The following CTNNA3 variants were observed in gnomAD, a reference collection of about 807,000 sequenced individuals.
The protein encoded by CTNNA3 is catenin alpha 3.
Under a neutral mutation model 95.7 loss-of-function variants are expected in CTNNA3, and 76 were observed. That is an observed-to-expected ratio of 0.79 (90% CI 0.66 to 0.96). CTNNA3 has a LOEUF of 0.96. CTNNA3 is among the 40% of genes least tolerant of loss of function. The probability of loss-of-function intolerance (pLI) is 0.00; values close to 1 mark genes in which losing one functional copy is unlikely to be tolerated. For synonymous variants in CTNNA3, 431 were observed against 374.4 expected, an observed-to-expected ratio of 1.15 and a Z score of -1.74; for missense variants, 1,191 against 1,089.8, an observed-to-expected ratio of 1.09 and a Z score of -1.31.
intron 7 of CTNNA3, among the ~76,000 whole-genome samples, chr10:67,055,675 CT>C (rs1181236094): frequency 1.3e-5 from 2 of 152,088 alleles, no homozygotes; most frequent in Non-Finnish European, 2.9e-5. Flanking sequence ...GGGCTTTGTT[CT>C]TTGTAAGAAT....
intron 5 of CTNNA3, among the ~76,000 whole-genome samples, chr10:67,431,864 T>C (rs367968086): frequency 6.6e-4 from 100 of 152,114 alleles, no homozygotes; most frequent in African/African-American, 2.3e-3. Flanking sequence ...TTTAATCCCA[T>C]AATTCAAAAT....
chr10:66,753,316 C>G (rs760189306), intron 9 of CTNNA3, among the ~76,000 whole-genome samples: 1 of 152,118 alleles, frequency 6.6e-6, no homozygotes, highest in Non-Finnish European at 1.5e-5. Context: ...CACATTCACA[C>G]AGCAACAATT....
At position 66,486,763 on chromosome 10, in the gene CTNNA3, G is replaced by A. The variant is rs533426362; in HGVS notation, c.1531+33854C>T. On this transcript the variant is annotated intron_variant, in intron 11 of 17. Transcript: ENST00000433211. Reference sequence around the variant, plus strand: ...TCCCATGCTCATTGCAGTGTTACTCGCAGAAGCCAAGATATGGATACAACC... The same window carrying A: ...TCCCATGCTCATTGCAGTGTTACTCACAGAAGCCAAGATATGGATACAACC... Among the ~76,000 whole-genome samples, 229 of 151,660 alleles carry A rather than the reference G, an allele frequency of 1.5e-3. 10 individuals carry two copies. The South Asian group carries it at 0.046, about 30-fold the overall frequency.
intron 5 of CTNNA3, among the ~76,000 whole-genome samples, chr10:67,402,853 G>A (rs1367340127): frequency 6.6e-6 from 1 of 152,168 alleles, no homozygotes; most frequent in Non-Finnish European, 1.5e-5. Flanking sequence ...CAGGATCCCT[G>A]GCAAAGGTGA....
chr10:66,537,911 C>T (rs1485415428), intron 10 of CTNNA3, among the ~76,000 whole-genome samples: 1 of 152,008 alleles, frequency 6.6e-6, no homozygotes, highest in Non-Finnish European at 1.5e-5. Flanking sequence ...TCTTTAAGAA[C>T]TTTTACTATA....
intron 10 of CTNNA3, among the ~76,000 whole-genome samples, chr10:66,572,439 T>G (rs1013927196): frequency 1.3e-5 from 2 of 151,448 alleles, no homozygotes; most frequent in Non-Finnish European, 2.9e-5. Flanking sequence ...CAAACAGGCA[T>G]ACATACCTAG....
intron 13 of CTNNA3, among the ~76,000 whole-genome samples, chr10:66,199,805 A>ATTTTTTTTTT (rs1226520776): frequency 7.0e-5 from 1 of 14,286 alleles, no homozygotes; most frequent in African/African-American, 3.9e-4. Flanking sequence ...ATATATATAT[A>ATTTTTTTTTT]TTTTTTTTTT....
intron 5 of CTNNA3, among the ~76,000 whole-genome samples, chr10:67,467,967 TCCC>T (rs1847664475): frequency 6.6e-6 from 1 of 151,546 alleles, no homozygotes; most frequent in Non-Finnish European, 1.5e-5. Context: ...ATCCTCAGAC[TCCC>T]AAAGTGCTAG....
At chr10:67,177,678 G>A (rs1862310752) in intron 7 of CTNNA3, among the ~76,000 whole-genome samples, 2 of 152,124 alleles carry the variant, frequency 1.3e-5, no homozygotes, top group African/African-American at 4.8e-5. Flanking sequence ...CCAGAAAAAT[G>A]CATTCCCTTT....
chr10:66,056,263 T>A (rs943440944), intron 15 of CTNNA3, among the ~76,000 whole-genome samples: 1 of 152,160 alleles, frequency 6.6e-6, no homozygotes, highest in African/African-American at 2.4e-5. Context: ...GTTATCAGAT[T>A]TTTTTTAAGA....
At chr10:67,527,376 C>T (rs959880236) in intron 4 of CTNNA3, among the ~76,000 whole-genome samples, 1 of 152,060 alleles carries the variant, frequency 6.6e-6, no homozygotes, top group African/African-American at 2.4e-5. Flanking sequence ...AAGACAAAAC[C>T]CACAGCAGCA....
chr10:66,633,835 C>T (rs532351183), intron 9 of CTNNA3, among the ~76,000 whole-genome samples: 39 of 151,948 alleles, frequency 2.6e-4, no homozygotes, highest in African/African-American at 8.7e-4. Flanking sequence ...GTTTCTATAT[C>T]GACTGAAGTT....
At chr10:66,835,235 G>A (rs931747200) in intron 7 of CTNNA3, among the ~76,000 whole-genome samples, 4 of 152,102 alleles carry the variant, frequency 2.6e-5, no homozygotes, top group African/African-American at 7.2e-5. Context: ...AATGTAATAA[G>A]AGAGAACAAA....
intron 3 of CTNNA3, among the ~76,000 whole-genome samples, chr10:67,563,603 C>A (rs1330043026): frequency 2.0e-5 from 3 of 152,206 alleles, no homozygotes; most frequent in South Asian, 2.1e-4. Context: ...ATGAGTTAAA[C>A]ACCAAGAGCA....
chr10:67,020,954 A>T (rs1394584826), intron 7 of CTNNA3, among the ~76,000 whole-genome samples: 1 of 152,208 alleles, frequency 6.6e-6, no homozygotes, highest in African/African-American at 2.4e-5. Flanking sequence ...GTGTGAGAAA[A>T]GGCTAGAAGG....
intron 13 of CTNNA3, among the ~76,000 whole-genome samples, chr10:66,134,814 AT>A (rs149059819): frequency 0.049 from 7,281 of 148,652 alleles, 216 homozygotes; most frequent in African/African-American, 0.069. Flanking sequence ...TAAATTAAAT[AT>A]AAAAATAAGA....
At chr10:67,450,475 T>C (rs1336168782) in intron 5 of CTNNA3, among the ~76,000 whole-genome samples, 2 of 152,202 alleles carry the variant, frequency 1.3e-5, no homozygotes, top group African/African-American at 4.8e-5. Flanking sequence ...ATCATGTCTT[T>C]TGAAGGGACA....
intron 7 of CTNNA3, among the ~76,000 whole-genome samples, chr10:66,796,564 C>T (rs112746212): frequency 3.3e-5 from 5 of 151,828 alleles, no homozygotes; most frequent in Non-Finnish European, 7.4e-5. Flanking sequence ...AGGCATGAAA[C>T]GAGTTTATGC....
At chr10:66,402,020 G>A (rs1336736842) in intron 11 of CTNNA3, among the ~76,000 whole-genome samples, 2 of 152,028 alleles carry the variant, frequency 1.3e-5, no homozygotes, top group East Asian at 1.9e-4. Flanking sequence ...CACCGATAGT[G>A]AGGTTAAAAT....
Sources: allele counts gnomAD v4.1 joint callset (sites outside exome capture counted in the v4.1 genomes callset), GRCh38; gene constraint gnomAD v4.1.1; transcripts MANE v1.5; gene names NCBI Gene and HGNC (gene_info 2026-07-23, HGNC 2026-07-21).